Variants in CCDC178 observed in about 807,000 individuals in gnomAD.
CCDC178 encodes coiled-coil domain-containing protein 178.
CCDC178 carries 126 observed loss-of-function variants against 117.4 expected under a neutral mutation model. The ratio of observed to expected loss-of-function variants is 1.07; its 90% CI spans 0.93 to 1.24. CCDC178 has a LOEUF of 1.24. Ranked by LOEUF, CCDC178 falls within the 50% of genes most tolerant of loss-of-function variation. CCDC178 has a pLI of 0.00. For missense variants in CCDC178, 1,030 were observed against 986.9 expected, an observed-to-expected ratio of 1.04 and a Z score of -0.59; for synonymous variants, 283 against 313.4, an observed-to-expected ratio of 0.90 and a Z score of 1.02.
chr18:32,967,560 C>T (rs894208313), intron 22 of CCDC178, among the ~76,000 whole-genome samples: 1 of 151,082 alleles, frequency 6.6e-6, no homozygotes, highest in African/African-American at 2.4e-5. Flanking sequence ...TTCTAAATAA[C>T]ATGAATTTTG....
intron 20 of CCDC178, among the ~76,000 whole-genome samples, chr18:33,163,348 T>G (rs2058489592): frequency 6.6e-6 from 1 of 152,172 alleles, no homozygotes; most frequent in South Asian, 2.1e-4. Context: ...CCAGGGCACA[T>G]GTGATTTGTA....
At chr18:33,210,728 A>C (rs772782248) in intron 20 of CCDC178, among the ~76,000 whole-genome samples, 4 of 151,808 alleles carry the variant, frequency 2.6e-5, no homozygotes, top group African/African-American at 9.7e-5. Context: ...CACATCTGAA[A>C]CTCAGCCATC....
intron 20 of CCDC178, among the ~76,000 whole-genome samples, chr18:33,099,811 C>A (rs1349293370): frequency 6.6e-6 from 1 of 152,020 alleles, no homozygotes. Flanking sequence ...ACTGTTTTAA[C>A]TCTCCCAGGA....
chr18:33,392,506 T>C (rs1478502631), intron 4 of CCDC178, among the ~76,000 whole-genome samples: 1 of 152,176 alleles, frequency 6.6e-6, no homozygotes, highest in Non-Finnish European at 1.5e-5. Flanking sequence ...GGGTTTGCAA[T>C]GTAGCAGTTT....
At chr18:33,030,912 T>C (rs2056329494) in intron 21 of CCDC178, among the ~76,000 whole-genome samples, 3 of 152,200 alleles carry the variant, frequency 2.0e-5, no homozygotes, top group East Asian at 3.9e-4. Flanking sequence ...GCTGGTAGCA[T>C]GGCTCAGTCC....
At chr18:33,128,066 G>C (rs529619627) in intron 20 of CCDC178, among the ~76,000 whole-genome samples, 7 of 152,292 alleles carry the variant, frequency 4.6e-5, no homozygotes, top group Admixed American at 3.9e-4. Context: ...CATTAAGTCT[G>C]TTTCTAACTT....
chr18:33,243,785 C>CA (rs1294264933), intron 15 of CCDC178, among the ~76,000 whole-genome samples: 1 of 151,544 alleles, frequency 6.6e-6, no homozygotes, highest in East Asian at 1.9e-4. Context: ...TGAAAGATGA[C>CA]AAAGGTTTCG....
At chr18:33,108,043 T>C (rs892101957) in intron 20 of CCDC178, among the ~76,000 whole-genome samples, 1 of 151,650 alleles carries the variant, frequency 6.6e-6, no homozygotes, top group African/African-American at 2.4e-5. Context: ...CTTAGGATGT[T>C]TGTCATGGTA....
chr18:33,172,825 G>C (rs1047337081), intron 20 of CCDC178, among the ~76,000 whole-genome samples: 1 of 152,052 alleles, frequency 6.6e-6, no homozygotes. Context: ...TTTAATGAAG[G>C]ATGCATAATT....
chr18:33,325,508 G>A (rs982688500), intron 10 of CCDC178, among the ~76,000 whole-genome samples: 3 of 151,784 alleles, frequency 2.0e-5, no homozygotes, highest in Admixed American at 6.6e-5. Context: ...TTTTGGTATT[G>A]AAATATGTCA....
intron 21 of CCDC178, among the ~76,000 whole-genome samples, chr18:33,063,351 G>T (rs2056960412): frequency 6.6e-6 from 1 of 152,146 alleles, no homozygotes; most frequent in Admixed American, 6.5e-5. Context: ...CCTTCCAGGG[G>T]ACTGAGGACA....
At chr18:33,353,792 T>C (rs1220106187) in intron 7 of CCDC178, among the ~76,000 whole-genome samples, 1 of 152,180 alleles carries the variant, frequency 6.6e-6, no homozygotes, top group Non-Finnish European at 1.5e-5. Context: ...TTTGACCTTA[T>C]AATCATATAG....
intron 20 of CCDC178, among the ~76,000 whole-genome samples, chr18:33,095,561 G>A (rs947814174): frequency 4.6e-5 from 7 of 151,928 alleles, no homozygotes; most frequent in East Asian, 1.9e-4. Context: ...GTTGCACTGC[G>A]AAGATCTAAC....
rs367572469 is a variant in CCDC178 at position 33,004,275 on chromosome 18, G to A, written c.2389-29594C>T. On this transcript the variant is annotated intron_variant, in intron 21 of 22. Coordinates refer to ENST00000383096, the MANE Select transcript of CCDC178 (RefSeq NM_001105528.4). The stretch of plus-strand genomic sequence containing the variant: ...ATCATATTACCTAACTTCAAATTAC[G>A]TTAAACAGCAGACAGGTAGACCAAT... Among the ~76,000 whole-genome samples the A allele has an allele frequency of 1.2e-3, 182 of 151,686 alleles. 7 individuals are homozygous for A. In the South Asian group the frequency reaches 0.034, roughly 29 times the overall value.
intron 11 of CCDC178, among the ~76,000 whole-genome samples, chr18:33,304,067 A>C (rs2062216802): frequency 6.6e-6 from 1 of 151,962 alleles, no homozygotes; most frequent in South Asian, 2.1e-4. Context: ...TTTCCATGGC[A>C]AAAAAAAGAA....
chr18:32,965,487 A>G (rs1484680936), intron 22 of CCDC178, among the ~76,000 whole-genome samples: 1 of 151,802 alleles, frequency 6.6e-6, no homozygotes, highest in Non-Finnish European at 1.5e-5. Context: ...CATATTTTAG[A>G]TATATGTGTG....
intron 11 of CCDC178, among the ~76,000 whole-genome samples, chr18:33,294,006 A>G (rs2062072434): frequency 6.6e-6 from 1 of 152,228 alleles, no homozygotes; most frequent in Non-Finnish European, 1.5e-5. Context: ...GGCAGAAGTG[A>G]AAAGACCAAG....
At chr18:33,159,767 C>T (rs2058441350) in intron 20 of CCDC178, among the ~76,000 whole-genome samples, 1 of 152,034 alleles carries the variant, frequency 6.6e-6, no homozygotes, top group South Asian at 2.1e-4. Flanking sequence ...ATTATTTAGT[C>T]TACCAGAATT....
chr18:33,360,091 G>A (rs980991302), intron 6 of CCDC178, among the ~76,000 whole-genome samples: 1 of 150,882 alleles, frequency 6.6e-6, no homozygotes, highest in Admixed American at 6.6e-5. Context: ...GTGCTAATAA[G>A]GATGTGAAGA....
Sources: gnomAD v4.1 joint callset for allele counts (sites outside exome capture counted in the v4.1 genomes callset) on GRCh38, gnomAD v4.1.1 for gene constraint, MANE v1.5 for transcripts, NCBI Gene and HGNC (gene_info 2026-07-23, HGNC 2026-07-21) for gene names.